The following KY variants were observed in gnomAD, a reference collection of about 807,000 sequenced individuals.
The protein encoded by KY is kyphoscoliosis peptidase.
KY carries 43 observed loss-of-function variants against 76.1 expected under a neutral mutation model. That is an observed-to-expected ratio of 0.57 (90% confidence interval 0.44 to 0.73). The LOEUF (loss-of-function observed/expected upper bound fraction) is 0.73. Ranked by LOEUF, KY falls within the 30% of genes least tolerant of loss-of-function variation. The probability of loss-of-function intolerance (pLI) is 0.00; values close to 1 mark genes in which losing one functional copy is unlikely to be tolerated. For synonymous variants in KY, 277 were observed against 326.2 expected (o/e 0.85, Z 1.63); for missense variants, 722 against 828.9 (o/e 0.87, Z 1.58).
At chr3:134,622,759 G>A (rs1426774179) in intron 6 of KY, among the ~76,000 whole-genome samples, 1 of 152,190 alleles carries the variant, frequency 6.6e-6, no homozygotes, top group Non-Finnish European at 1.5e-5. Context: ...GAGGTTGCTG[G>A]AAAGATGGCT....
chr3:134,604,213 G>C lies in KY; in HGVS notation c.1352C>G (p.Pro451Arg). The C allele has an allele frequency of 6.2e-7, 1 of 1,613,168 alleles. No individual in the cohort carries two copies. Among genetic ancestry groups the C allele is most frequent in the Non-Finnish European group, 8.5e-7 (1 of 1,179,640 alleles). ...CTCCGAGAACCAGCTGGGGCCCACG[G>C]GCTGGTGAAGCTCAGCAGGCAGCTG... Reference protein sequence around the residue: ...GVQLPAELHQPVGPSWFSEQM... With the variant: ...GVQLPAELHQRVGPSWFSEQM... Residue 451 changes from proline to arginine, a missense_variant, in exon 11 of 11, where the codon CCC becomes CGC. Pro to Arg is a moderately radical substitution (Grantham distance 103, BLOSUM62 -2). This residue lies in a region of KY where 552 missense variants were observed against 680.9 expected (regional missense o/e 0.81). Coordinates refer to ENST00000423778, the MANE Select transcript of KY (RefSeq NM_178554.6).
At chr3:134,634,467 A>G (rs1964653844) in intron 3 of KY, among the ~76,000 whole-genome samples, 1 of 152,258 alleles carries the variant, frequency 6.6e-6, no homozygotes, top group Non-Finnish European at 1.5e-5. Flanking sequence ...AATTTTTACA[A>G]AAGTGCAAAG....
In KY at chr3:134,610,216, A is replaced by T. The variant is rs370715930; in HGVS notation, c.878T>A (p.Ile293Asn). The T allele has an allele frequency of 3.7e-6, 6 of 1,613,048 alleles. No individual in the cohort carries two copies. In the African/African-American group the frequency reaches 8.0e-5, roughly 22 times the overall value. The change falls in exon 9 of 11, where the codon ATC becomes AAC. Residue 293 changes from isoleucine to asparagine, a missense_variant. By Grantham distance (149) the Ile-to-Asn change is moderately radical. Coordinates refer to ENST00000423778, the MANE Select transcript of KY (RefSeq NM_178554.6). Reference sequence around the variant, plus strand: ...TTACAGGAAGGTGAATTTGGAGGTGATGGTGTCCACCAGGCCGCTGCCCCA... The same window carrying T: ...TTACAGGAAGGTGAATTTGGAGGTGTTGGTGTCCACCAGGCCGCTGCCCCA... ...STWGSGLVDTITSKFTFLYNE... is the reference protein window; with the variant it reads ...STWGSGLVDTNTSKFTFLYNE...
chr3:134,621,768 G>A (rs1962654410), intron 6 of KY, among the ~76,000 whole-genome samples: 1 of 152,114 alleles, frequency 6.6e-6, no homozygotes, highest in Non-Finnish European at 1.5e-5. Context: ...TCATTTAGAA[G>A]GCAGAAAGAA....
intron 8 of KY, among the ~76,000 whole-genome samples, chr3:134,617,292 G>A (rs1484087033): frequency 2.0e-5 from 3 of 152,220 alleles, no homozygotes; most frequent in Non-Finnish European, 4.4e-5. Context: ...ATGGAGCTAA[G>A]AGACTTGTGG....
rs1959056450 is a variant in KY, at chr3:134,603,454, G to C, written c.*125C>G. ...TCCTGTGGCAGAGGTGGGACACTGA[G>C]GCAGAGGCCTAGAAGGGATTTCATG... On this transcript the variant is annotated 3_prime_UTR_variant, in exon 11 of 11. Transcript: ENST00000423778. 2.4e-6 allele frequency: 2 copies of C among 825,268 alleles called. No individual in the cohort carries two copies. Among genetic ancestry groups the C allele is most frequent in the Admixed American group, 5.2e-5 (2 of 38,502 alleles). The allele number at this position is 825,268 out of a possible 1,614,324, so 51.1% of individuals were successfully genotyped here.
chr3:134,627,685 T>C (rs2059398045), intron 5 of KY, 71 bp downstream of exon 5: 9 of 1,394,114 alleles, frequency 6.5e-6, no homozygotes, highest in East Asian at 2.3e-5. Context: ...CAACTGTCAA[T>C]TGGAGATTAG....
At chr3:134,636,613 G>A (rs1365519597) in intron 3 of KY, among the ~76,000 whole-genome samples, 1 of 152,206 alleles carries the variant, frequency 6.6e-6, no homozygotes, top group Non-Finnish European at 1.5e-5. Flanking sequence ...AAGCACATGA[G>A]CAAGCCCACC....
rs576470845 is a variant in KY at position 134,602,605 on chromosome 3, C to T, written c.*974G>A. ...CGCACTGCACTACTCACCTGATCTG[C>T]GCCCAGGTCCTTATTCAGGGCTATC... On this transcript the variant is annotated 3_prime_UTR_variant, in exon 11 of 11. Coordinates refer to ENST00000423778, the MANE Select transcript of KY (RefSeq NM_178554.6). 2.0e-5 allele frequency among the ~76,000 whole-genome samples: 3 copies of T among 152,194 alleles called. No individual in the cohort carries two copies. Among genetic ancestry groups the T allele is most frequent in the South Asian group, 2.1e-4 (1 of 4,832 alleles).
At position 134,610,091 on chromosome 3, in the gene KY, C is replaced by CCTTGGT. The variant is rs1256793393; in HGVS notation, c.899+103_899+104insACCAAG. ...AGTGGGCATGGGGCCTCCTGGCTCTCCTTCCCCTCCCGCTTGGTCTTCTCC... is the reference window on the plus strand; with the variant it reads ...AGTGGGCATGGGGCCTCCTGGCTCTCCTTGGTCTTCCCCTCCCGCTTGGTCTTCTCC... On this transcript the variant is annotated intron_variant, in intron 9 of 10. Coordinates refer to ENST00000423778, the MANE Select transcript of KY (RefSeq NM_178554.6). 7.0e-6 allele frequency: 9 copies of CCTTGGT among 1,284,778 alleles called. No homozygotes were observed. The African/African-American group carries it at 8.9e-5, about 13-fold the overall frequency. The allele number at this position is 1,284,778 out of a possible 1,614,324, so 79.6% of individuals were successfully genotyped here.
intron 10 of KY, chr3:134,607,845 T>G: frequency 1.0e-6 from 1 of 987,962 alleles, no homozygotes; most frequent in African/African-American, 1.7e-5. Context: ...GGGTCCCGCC[T>G]CCAGAAGGGA....
intron 3 of KY, among the ~76,000 whole-genome samples, chr3:134,630,101 C>G (rs1165399161): frequency 6.6e-6 from 1 of 152,206 alleles, no homozygotes; most frequent in Non-Finnish European, 1.5e-5. Context: ...AAGGCATTCC[C>G]AAACCCAGAA....
At chr3:134,647,380 C>T in intron 2 of KY, 55 bp downstream of exon 2, 3 of 1,325,912 alleles carry the variant, frequency 2.3e-6, no homozygotes, top group Non-Finnish European at 3.2e-6. Flanking sequence ...CCAATTCTTC[C>T]AGTTATTATT....
chr3:134,634,297 C>A (rs1032513667), intron 3 of KY, among the ~76,000 whole-genome samples: 3 of 151,182 alleles, frequency 2.0e-5, no homozygotes, highest in African/African-American at 7.3e-5. Context: ...AATAACTAAA[C>A]TAATTTTGAA....
At chr3:134,623,214 TG>T (rs1962928790) in intron 6 of KY, among the ~76,000 whole-genome samples, 1 of 152,202 alleles carries the variant, frequency 6.6e-6, no homozygotes, top group South Asian at 2.1e-4. Context: ...GCTCTGTGGC[TG>T]GGTCTCTGGC....
In KY at chr3:134,650,992, G is replaced by T. The variant is rs780767219; in HGVS notation, c.-32C>A. On this transcript the variant is annotated 5_prime_UTR_variant, in exon 1 of 11. Transcript: ENST00000423778. ...GCCTCCTTTCCGACCTGGGCGCCGC[G>T]GCCGCACGCTAGGCTGCTTGCGCTG... is the stretch of plus-strand genomic sequence containing the variant. 1.9e-6 allele frequency: 3 copies of T among 1,612,352 alleles called. No individual in the cohort carries two copies. The South Asian group carries it at 3.3e-5, about 18-fold the overall frequency.
intron 10 of KY, chr3:134,608,447 A>G (rs761219720): frequency 2.6e-6 from 4 of 1,519,358 alleles, no homozygotes; most frequent in South Asian, 2.4e-5. Flanking sequence ...GATGTGGCCT[A>G]TGGCCCTTCC....
At chr3:134,612,614 G>T (rs894239226) in intron 8 of KY, among the ~76,000 whole-genome samples, 1 of 152,098 alleles carries the variant, frequency 6.6e-6, no homozygotes. Context: ...TAGGAGGTGG[G>T]GCCCCATCTA....
chr3:134,635,083 C>G (rs564358305), intron 3 of KY, among the ~76,000 whole-genome samples: 3 of 152,336 alleles, frequency 2.0e-5, no homozygotes, highest in South Asian at 4.1e-4. Context: ...TATGTTCACA[C>G]AAAAACCTGT....
Sources: gnomAD v4.1 joint callset for allele counts (sites outside exome capture counted in the v4.1 genomes callset) on GRCh38, gnomAD v4.1.1 for gene constraint, gnomAD v4.1.1 regional missense constraint, MANE v1.5 for transcripts, NCBI Gene and HGNC (gene_info 2026-07-23, HGNC 2026-07-21) for gene names.